The following PITPNM1 variants were observed in gnomAD, a reference collection of about 807,000 sequenced individuals.
PITPNM1 encodes the protein phosphatidylinositol transfer protein membrane associated 1.
A neutral mutation model predicts 133.3 loss-of-function variants in PITPNM1; 74 were observed. The ratio of observed to expected loss-of-function variants is 0.56; its 90% CI spans 0.46 to 0.67. The LOEUF is 0.67. Among genes scored for constraint, PITPNM1 ranks in the 30% least tolerant of loss-of-function variants. The probability of loss-of-function intolerance (pLI) is 0.00; values close to 1 mark genes in which losing one functional copy is unlikely to be tolerated. For synonymous variants in PITPNM1, 738 were observed against 741.4 expected (o/e 1.00, Z 0.08); for missense variants, 1,398 against 1,739.5 (o/e 0.80, Z 3.49).
chr11:67,493,695 C>G lies in PITPNM1; in HGVS notation c.3151G>C (p.Val1051Leu). 1 of 1,546,350 alleles carries G rather than the reference C, an allele frequency of 6.5e-7. No individual in the cohort carries two copies. Among genetic ancestry groups the G allele is most frequent in the Non-Finnish European group, 8.7e-7 (1 of 1,146,902 alleles). The change falls in exon 21 of 24, where the codon GTG (valine) becomes CTG (leucine). Residue 1051 changes from valine (V) to leucine (L), a missense_variant. Coordinates refer to ENST00000356404, the MANE Select transcript of PITPNM1 (RefSeq NM_004910.3). Reference protein sequence around the residue: ...DPKVRAGAVDVVRHWQDSGYL... With the variant: ...DPKVRAGAVDLVRHWQDSGYL... ...GGCAGTGGCAACTCCTACCTGACCA[C>G]GTCCACGGCGCCAGCTCGCACCTTG...
chr11:67,494,993 G>C (rs376109515), intron 17 of PITPNM1, 37 bp from the exon 18 acceptor site: 1 of 1,605,890 alleles, frequency 6.2e-7, no homozygotes, highest in Non-Finnish European at 8.5e-7. Flanking sequence ...TGTCTCTTAG[G>C]GGAGGGAGGG....
Position 67,499,758 on chromosome 11 carries a change from G to T in PITPNM1, c.1136C>A (p.Ala379Asp), listed in dbSNP as rs1414985802. Residue 379 changes from alanine to aspartate, a missense_variant, in exon 8 of 24, where the codon GCC becomes GAC. By Grantham distance (126) the Ala-to-Asp change is moderately radical. Coordinates refer to ENST00000356404, the MANE Select transcript of PITPNM1 (RefSeq NM_004910.3). ...CTCTGCCTCCACTGGGGAGGCAAAGGCATCAATGAAGTCATTGGAGTTCCA... is the reference window on the plus strand; with the variant it reads ...CTCTGCCTCCACTGGGGAGGCAAAGTCATCAATGAAGTCATTGGAGTTCCA... Reference protein sequence around the residue: ...TKWNSNDFIDAFASPVEAEGT... With the variant: ...TKWNSNDFIDDFASPVEAEGT... 8 of 1,515,082 alleles carry T rather than the reference G, an allele frequency of 5.3e-6. No homozygotes were observed. In the East Asian group the frequency reaches 1.6e-4, roughly 30 times the overall value. 93.9% of individuals were successfully genotyped at this position (1,515,082 alleles called of 1,614,324 possible). A position where few individuals can be genotyped will look rare whatever the true frequency, so the allele number is the denominator to read the frequency against.
chr11:67,499,890 C>A, intron 7 of PITPNM1, 24 bp downstream of exon 7: 1 of 1,604,880 alleles, frequency 6.2e-7, no homozygotes. Flanking sequence ...CATCCCCACT[C>A]CCAAAAAGGG....
chr11:67,504,536 C>A lies in PITPNM1; in HGVS notation c.-41-315G>T, dbSNP rs1486266476. ...GGCCACCTCACCTCTCCCGCTGCGA[C>A]CGCGTCCTAACCCCGGGAAACGGCA... On this transcript the variant is annotated intron_variant, in intron 1 of 23. Transcript: ENST00000356404. The surrounding 1 kb of genome is among the most constrained non-coding windows in gnomAD (Gnocchi z 5.4). 6.6e-6 allele frequency: 1 copy of A among 152,114 alleles called. No homozygotes were observed. Among genetic ancestry groups the A allele is most frequent in the Non-Finnish European group, 1.5e-5 (1 of 68,026 alleles). The allele number at this position is 152,114 out of a possible 1,614,324, so 9.4% of individuals were successfully genotyped here. A position where few individuals can be genotyped will look rare whatever the true frequency, so the allele number is the denominator to read the frequency against.
chr11:67,495,037 C>T (rs746104701), intron 17 of PITPNM1, 40 bp downstream of exon 17: 1 of 1,610,562 alleles, frequency 6.2e-7, no homozygotes, highest in Admixed American at 1.7e-5. Context: ...AGCCCATCCC[C>T]GTCCCATTCT....
chr11:67,493,566 G>A lies in PITPNM1; in HGVS notation c.3186C>T (p.Ile1062=). ...TATCCGGCCGGCCTGTGACATACAC[G>A]ATCAGGTAGCCGGAGTCCTGCCAGT... ...VRHWQDSGYL[I]VYVTGRPDMQ... The change falls in exon 22 of 24, where the codon ATC becomes ATT. Residue 1062 remains isoleucine, a synonymous_variant. Coordinates refer to ENST00000356404, the MANE Select transcript of PITPNM1 (RefSeq NM_004910.3). The A allele has an allele frequency of 6.4e-7, 1 of 1,556,718 alleles. No individual in the cohort carries two copies. The highest frequency in any genetic ancestry group is 8.7e-7 in the Non-Finnish European group (1 of 1,149,356).
At chr11:67,494,800 G>GCGAGAGTGGA (rs1866055837) in intron 18 of PITPNM1, 46 bp downstream of exon 18, 1 of 1,387,886 alleles carries the variant, frequency 7.2e-7, no homozygotes, top group Non-Finnish European at 1.0e-6. Flanking sequence ...TGGTGAGTGG[G>GCGAGAGTGGA]CGAGAGTGGG....
Position 67,504,252 on chromosome 11 carries a change from CG to C in PITPNM1, c.-41-32del. On this transcript the variant is annotated intron_variant, in intron 1 of 23. Transcript: ENST00000356404. The surrounding 1 kb of genome is among the most constrained non-coding windows in gnomAD (Gnocchi z 5.4). ...GCAGGGCACGGCGCGACAGTCAGTG[CG>C]GGGAGGCTGCGCGCGGCCCCGAGCC... 9.9e-7 allele frequency: 1 copy of C among 1,006,686 alleles called. No individual in the cohort carries two copies. 62.4% of individuals were successfully genotyped at this position (1,006,686 alleles called of 1,614,324 possible).
Position 67,495,085 on chromosome 11 carries a change from G to A in PITPNM1, c.2623C>T (p.Leu875=), listed in dbSNP as rs1228953074. 3 of 1,612,746 alleles carry A rather than the reference G, an allele frequency of 1.9e-6. No homozygotes were observed. The highest frequency in any genetic ancestry group is 2.2e-5 in the East Asian group (1 of 44,864). ...CATATTCCCAGGCCCACCTGGCGCAGGATGAACGCCACCACGTCGGCGGAC... is the reference window on the plus strand; with the variant it reads ...CATATTCCCAGGCCCACCTGGCGCAAGATGAACGCCACCACGTCGGCGGAC... ...WESADVVAFI[L]RQVIEKERPQ... The change falls in exon 17 of 24, where the codon CTG becomes TTG. Residue 875 remains leucine, a synonymous_variant. Transcript: ENST00000356404.
In PITPNM1 at chr11:67,500,276, G is replaced by A. The variant is rs368456453; in HGVS notation, c.786C>T (p.Gly262=). Residue 262 remains glycine (G), a synonymous_variant, in exon 6 of 24, where the codon GGC becomes GGT. Coordinates refer to ENST00000356404, the MANE Select transcript of PITPNM1 (RefSeq NM_004910.3). ...LAQRMAKCNT[G]SEGSEAQPPG... is the part of the protein sequence containing the mutation. ...GGGGCTGGGCCTCGGACCCCTCACT[G>A]CCTGTGTTGCACTTGGCCATGCGCT... 5.6e-6 allele frequency: 9 copies of A among 1,609,616 alleles called. No individual in the cohort carries two copies. Among genetic ancestry groups the A allele is most frequent in the African/African-American group, 2.7e-5 (2 of 75,054 alleles).
At chr11:67,497,758 G>C in intron 12 of PITPNM1, 79 bp from the exon 13 acceptor site, 1 of 1,570,714 alleles carries the variant, frequency 6.4e-7, no homozygotes, top group South Asian at 1.1e-5. Context: ...GAGGAGCGAG[G>C]CTTGGGGGTT....
intron 8 of PITPNM1, 163 bp downstream of exon 8, chr11:67,499,560 C>CCCATCCAACCATCCAACCAT (rs1866246320): frequency 9.2e-5 from 1 of 10,818 alleles, no homozygotes; most frequent in African/African-American, 2.0e-4. Context: ...CATCCATCCA[C>CCCATCCAACCATCCAACCAT]CCATCCATCC....
chr11:67,494,992 GGGGAGGGAGGGCTGCCCC>G (rs759471901), intron 17 of PITPNM1, 36 bp from the exon 18 acceptor site: 6 of 1,606,478 alleles, frequency 3.7e-6, no homozygotes, highest in Non-Finnish European at 3.4e-6. Flanking sequence ...CTGTCTCTTA[GGGGAGGGAGGGCTGCCCC>G]TCCCCCGGCC....
At position 67,498,728 on chromosome 11, in the gene PITPNM1, G is replaced by A. The variant is rs373983783; in HGVS notation, c.1352C>T (p.Ala451Val). ...GGCGGAGCTCAGCGTCTGCACATCC[G>A]CCTGCTTGGAGTTGGCGTCTCCAGG... is the stretch of plus-strand genomic sequence containing the variant. ...SGPGDANSKQ[A>V]DVQTLSSAFE... The change falls in exon 10 of 24, where the codon GCG becomes GTG. Residue 451 changes from alanine (A) to valine (V), a missense_variant. Physicochemically the swap from Ala to Val is moderately conservative, Grantham distance 64. This residue lies in a region of PITPNM1 where 574 missense variants were observed against 698.7 expected (regional missense o/e 0.82). Coordinates refer to ENST00000356404, the MANE Select transcript of PITPNM1 (RefSeq NM_004910.3). The surrounding 1 kb of genome is among the most constrained non-coding windows in gnomAD (Gnocchi z 5.7). The A allele has an allele frequency of 7.5e-6, 12 of 1,609,942 alleles. No individual in the cohort carries two copies. The highest frequency in any genetic ancestry group is 1.7e-4 in the Middle Eastern group (1 of 5,976).
chr11:67,495,702 CT>C, intron 15 of PITPNM1, 100 bp from the exon 16 acceptor site: 1 of 1,186,186 alleles, frequency 8.4e-7, no homozygotes, highest in South Asian at 1.7e-5. Context: ...TGTGGCCCCT[CT>C]GGTCAGGTCC....
Position 67,500,283 on chromosome 11 carries a change from TTGCACTTGGCCA to T in PITPNM1, c.767_778del (p.Met256_Cys259del). The T allele has an allele frequency of 6.2e-7, 1 of 1,610,260 alleles. No homozygotes were observed. The highest frequency in any genetic ancestry group is 8.5e-7 in the Non-Finnish European group (1 of 1,179,874). ...GGCCTCGGACCCCTCACTGCCTGTG[TTGCACTTGGCCA>T]TGCGCTGGGCCAGCATGCGAGCAGT... On this transcript the variant is annotated inframe_deletion, in exon 6 of 24. Coordinates refer to ENST00000356404, the MANE Select transcript of PITPNM1 (RefSeq NM_004910.3).
chr11:67,503,620 C>T (rs1017733688), intron 2 of PITPNM1, among the ~76,000 whole-genome samples: 1 of 152,200 alleles, frequency 6.6e-6, no homozygotes, highest in Non-Finnish European at 1.5e-5. Context: ...CGCACCAACC[C>T]GGCCACTGCT....
Position 67,502,198 on chromosome 11 carries a change from C to T in PITPNM1, c.415+94G>A. Reference sequence around the variant, plus strand: ...GTCCTTTTGCAGACAGGACATGAGGCCTGGAGAGGGCTGGGACTTCTCAGA... The same window carrying T: ...GTCCTTTTGCAGACAGGACATGAGGTCTGGAGAGGGCTGGGACTTCTCAGA... On this transcript the variant is annotated intron_variant, in intron 4 of 23. Transcript: ENST00000356404. The surrounding 1 kb of genome is among the most constrained non-coding windows in gnomAD (Gnocchi z 5.9). 6.4e-7 allele frequency: 1 copy of T among 1,564,694 alleles called. No individual in the cohort carries two copies. Among genetic ancestry groups the T allele is most frequent in the Non-Finnish European group, 8.7e-7 (1 of 1,151,092 alleles).
At position 67,497,982 on chromosome 11, in the gene PITPNM1, C is replaced by T. The variant is rs1203045056; in HGVS notation, c.1717G>A (p.Asp573Asn). The change falls in exon 12 of 24, where the codon GAT becomes AAT. Residue 573 changes from aspartate (D) to asparagine (N), a missense_variant. Transcript: ENST00000356404. ...GDGVGGILGF[D>N]ALCHSANAGT... is the part of the protein sequence containing the mutation. The stretch of plus-strand genomic sequence containing the variant: ...GCGTTAGCACTGTGGCAGAGTGCAT[C>T]AAAGCCCAGGATGCCACCAACACCA... The T allele has an allele frequency of 6.2e-7, 1 of 1,611,034 alleles. No individual in the cohort carries two copies. The highest frequency in any genetic ancestry group is 1.3e-5 in the African/African-American group (1 of 74,934).
Sources: gnomAD v4.1 joint callset for allele counts (sites outside exome capture counted in the v4.1 genomes callset) on GRCh38, gnomAD v4.1.1 for gene constraint, gnomAD v4.1.1 regional missense constraint, Gnocchi (gnomAD v3.1) non-coding constraint, MANE v1.5 for transcripts, NCBI Gene and HGNC (gene_info 2026-07-23, HGNC 2026-07-21) for gene names.